ITGB6: variants seen among roughly 807,000 people sequenced by gnomAD.
The protein encoded by ITGB6 is integrin beta-6.
In ITGB6, 80 loss-of-function variants were observed where a neutral mutation model predicts 84.5. That is an observed-to-expected ratio of 0.95 (90% confidence interval 0.79 to 1.14). ITGB6 has a LOEUF of 1.14. ITGB6 is among the 50% of genes most tolerant of loss of function. The pLI is 0.00. For missense variants in ITGB6, 1,006 were observed against 968.0 expected, an observed-to-expected ratio of 1.04 and a Z score of -0.52; for synonymous variants, 383 against 354.9, an observed-to-expected ratio of 1.08 and a Z score of -0.89.
At chr2:160,129,943 T>C (rs1216108372) in intron 10 of ITGB6, among the ~76,000 whole-genome samples, 2 of 152,176 alleles carry the variant, frequency 1.3e-5, no homozygotes, top group Non-Finnish European at 2.9e-5. Flanking sequence ...TATATGTATA[T>C]GTGTGTATAC....
chr2:160,128,644 G>T (rs989013263), intron 10 of ITGB6, among the ~76,000 whole-genome samples: 3 of 152,138 alleles, frequency 2.0e-5, no homozygotes, highest in African/African-American at 7.2e-5. Flanking sequence ...GGTGCGATTG[G>T]TGCCAGGCGG....
chr2:160,114,034 A>C (rs997283611), intron 12 of ITGB6, among the ~76,000 whole-genome samples: 1 of 152,186 alleles, frequency 6.6e-6, no homozygotes, highest in Non-Finnish European at 1.5e-5. Context: ...TGAGTGGCTT[A>C]TCATACTCCT....
intron 12 of ITGB6, among the ~76,000 whole-genome samples, chr2:160,114,756 A>C (rs1262963986): frequency 6.6e-6 from 1 of 152,176 alleles, no homozygotes; most frequent in Non-Finnish European, 1.5e-5. Flanking sequence ...TCCTAGTCAA[A>C]GAAAGGGGTG....
chr2:160,173,456 G>C (rs1050123602), intron 5 of ITGB6, among the ~76,000 whole-genome samples: 3 of 152,096 alleles, frequency 2.0e-5, no homozygotes, highest in Middle Eastern at 3.2e-3. Flanking sequence ...TTTCATGAAG[G>C]GCTGTTGCCT....
At chr2:160,184,627 T>C (rs920425192) in intron 4 of ITGB6, among the ~76,000 whole-genome samples, 6 of 152,200 alleles carry the variant, frequency 3.9e-5, no homozygotes, top group African/African-American at 1.4e-4. Flanking sequence ...TAACTCATTT[T>C]ATGAGGCCAG....
chr2:160,120,967 G>A (rs1480162859), intron 12 of ITGB6, among the ~76,000 whole-genome samples: 6 of 145,604 alleles, frequency 4.1e-5, no homozygotes, highest in Admixed American at 2.7e-4. Flanking sequence ...GCTAAATGAC[G>A]AGTTAATGGG....
chr2:160,134,004 G>C (rs1292064691), intron 10 of ITGB6, among the ~76,000 whole-genome samples: 1 of 152,242 alleles, frequency 6.6e-6, no homozygotes, highest in East Asian at 1.9e-4. Flanking sequence ...AACTAGAGAA[G>C]CATGAGCAAA....
intron 2 of ITGB6, among the ~76,000 whole-genome samples, chr2:160,198,500 C>T (rs927655104): frequency 6.6e-6 from 1 of 152,176 alleles, no homozygotes; most frequent in Non-Finnish European, 1.5e-5. Flanking sequence ...AAAGCTAATG[C>T]CTCTCTTCCT....
chr2:160,133,592 C>T (rs1683563288), intron 10 of ITGB6, among the ~76,000 whole-genome samples: 1 of 152,100 alleles, frequency 6.6e-6, no homozygotes, highest in African/African-American at 2.4e-5. Flanking sequence ...CCCAAATCAA[C>T]AGAATATACA....
intron 7 of ITGB6, among the ~76,000 whole-genome samples, chr2:160,157,270 A>G (rs1348927945): frequency 3.9e-5 from 6 of 152,224 alleles, no homozygotes; most frequent in Admixed American, 3.3e-4. Flanking sequence ...ATTCTGTGGT[A>G]CTGGGCATTA....
In ITGB6 at chr2:160,123,719, C is replaced by T; in HGVS notation, c.1981+72G>A. On this transcript the variant is annotated intron_variant, in intron 12 of 14. Coordinates refer to ENST00000283249, the MANE Select transcript of ITGB6 (RefSeq NM_000888.5). ...TCAAGCTACTAAATAGCCCTCGATT[C>T]ACAGAGGGTCAAGAACTACGCCTCT... is the stretch of plus-strand genomic sequence containing the variant. The T allele has an allele frequency of 7.0e-6, 8 of 1,145,896 alleles. No homozygotes were observed. The South Asian group carries it at 1.0e-4, about 15-fold the overall frequency. The allele number at this position is 1,145,896 out of a possible 1,614,324, so 71.0% of individuals were successfully genotyped here.
intron 8 of ITGB6, among the ~76,000 whole-genome samples, chr2:160,140,098 A>C (rs1683937598): frequency 2.0e-5 from 3 of 152,212 alleles, no homozygotes; most frequent in South Asian, 4.1e-4. Flanking sequence ...GACTAGAAAG[A>C]AATTCAGTCT....
intron 7 of ITGB6, among the ~76,000 whole-genome samples, chr2:160,166,149 CTGCT>C (rs1684993613): frequency 6.6e-6 from 1 of 152,102 alleles, no homozygotes; most frequent in Admixed American, 6.6e-5. Context: ...GCATAAAAAC[CTGCT>C]TGTACTCCCC....
intron 7 of ITGB6, among the ~76,000 whole-genome samples, chr2:160,157,688 A>G (rs1482069665): frequency 6.9e-6 from 1 of 144,530 alleles, no homozygotes; most frequent in African/African-American, 2.5e-5. Flanking sequence ...GGCTGTAATG[A>G]CTTTCAAAGT....
chr2:160,119,511 T>A (rs1188518640), intron 12 of ITGB6, among the ~76,000 whole-genome samples: 2 of 151,840 alleles, frequency 1.3e-5, no homozygotes, highest in East Asian at 3.9e-4. Flanking sequence ...ATACAAAAAT[T>A]AATTCAAGAT....
intron 1 of ITGB6, among the ~76,000 whole-genome samples, chr2:160,199,725 G>T (rs1686482122): frequency 6.6e-6 from 1 of 152,108 alleles, no homozygotes; most frequent in Non-Finnish European, 1.5e-5. Flanking sequence ...TTCAAAAATG[G>T]TTATCATACT....
chr2:160,110,541 C>G (rs893546616), intron 13 of ITGB6, among the ~76,000 whole-genome samples: 1 of 152,292 alleles, frequency 6.6e-6, no homozygotes, highest in South Asian at 2.1e-4. Context: ...AGCCAGGAAG[C>G]CTTCCCGCCT....
intron 6 of ITGB6, among the ~76,000 whole-genome samples, chr2:160,171,211 A>G (rs544260993): frequency 6.6e-6 from 1 of 151,246 alleles, no homozygotes; most frequent in Non-Finnish European, 1.5e-5. Flanking sequence ...CTGCACCCCC[A>G]CCTACACCTC....
chr2:160,138,153 C>T lies in ITGB6; in HGVS notation c.1154G>A (p.Gly385Glu). ...GATGGCTGTAAATGACAAGTTGAGT[C>T]CTTCAGTGTCTCCTAATACTTCCAG... ...VELEVLGDTE[G>E]LNLSFTAICN... is the part of the protein sequence containing the mutation. The change falls in exon 9 of 15, where the codon GGA (glycine) becomes GAA (glutamate). Residue 385 changes from glycine (G) to glutamate (E), a missense_variant. Transcript: ENST00000283249. 1 of 1,613,926 alleles carries T rather than the reference C, an allele frequency of 6.2e-7. No homozygotes were observed. The highest frequency in any genetic ancestry group is 8.5e-7 in the Non-Finnish European group (1 of 1,179,920).
Sources: allele counts gnomAD v4.1 joint callset (sites outside exome capture counted in the v4.1 genomes callset), GRCh38; gene constraint gnomAD v4.1.1; transcripts MANE v1.5; gene names NCBI Gene and HGNC (gene_info 2026-07-23, HGNC 2026-07-21).